MYO1D: variants seen among roughly 807,000 people sequenced by gnomAD.
MYO1D encodes the protein myosin ID, also known as unconventional myosin-Id.
In MYO1D, 83 loss-of-function variants were observed where a neutral mutation model predicts 122.0. That is an observed-to-expected ratio of 0.68 (90% CI 0.57 to 0.82). MYO1D has a LOEUF of 0.82. Among genes scored for constraint, MYO1D ranks in the 40% least tolerant of loss-of-function variants. The pLI is 0.00. For missense variants in MYO1D, 1,157 were observed against 1,269.5 expected (o/e 0.91, Z 1.35); for synonymous variants, 464 against 446.9 (o/e 1.04, Z -0.48).
At chr17:32,590,695 A>G (rs2087431503) in intron 21 of MYO1D, among the ~76,000 whole-genome samples, 1 of 152,246 alleles carries the variant, frequency 6.6e-6, no homozygotes, top group Non-Finnish European at 1.5e-5. Flanking sequence ...TATAGCTGCT[A>G]AGACCTGAAA....
chr17:32,621,690 T>C (rs575931245), intron 20 of MYO1D, among the ~76,000 whole-genome samples: 1 of 152,260 alleles, frequency 6.6e-6, no homozygotes, highest in South Asian at 2.1e-4. Context: ...TCCAAATCCA[T>C]GTCTCTGCTA....
Position 32,760,493 on chromosome 17 carries a change from A to G in MYO1D, c.1170T>C (p.Phe390=). 1 of 1,613,106 alleles carries G rather than the reference A, an allele frequency of 6.2e-7. No homozygotes were observed. The part of the protein sequence containing the change: ...GVLDIYGFEI[F]DNNSFEQFCI... ...CTTTTCCAGTTTACCTGTTGTTGTCAAAGATTTCAAAGCCATAGATATCCA... is the reference window on the plus strand; with the variant it reads ...CTTTTCCAGTTTACCTGTTGTTGTCGAAGATTTCAAAGCCATAGATATCCA... The change falls in exon 9 of 22, where the codon TTT becomes TTC. Residue 390 remains phenylalanine, a synonymous_variant. Transcript: ENST00000318217.
rs191936571 is a variant in MYO1D at position 32,803,646 on chromosome 17, T to C, written c.96-22862A>G. On this transcript the variant is annotated intron_variant, in intron 1 of 21. Transcript: ENST00000318217. ...TTCTGGTCATGACTAATCTGAAAGT[T>C]CTAACAACATAAATAGGCAATACAC... Among the ~76,000 whole-genome samples the C allele has an allele frequency of 4.7e-3, 710 of 152,222 alleles. 6 individuals carry two copies. Among genetic ancestry groups the C allele is most frequent in the African/African-American group, 0.016 (678 of 41,530 alleles).
chr17:32,761,683 ACTCAGAGAACAGT>A (rs1210656289), intron 8 of MYO1D, among the ~76,000 whole-genome samples: 1 of 152,066 alleles, frequency 6.6e-6, no homozygotes, highest in Non-Finnish European at 1.5e-5. Flanking sequence ...CCAAATCCAG[ACTCAGAGAACAGT>A]CTCTGAGCTC....
At chr17:32,639,266 G>A (rs1325306540) in intron 19 of MYO1D, among the ~76,000 whole-genome samples, 2 of 151,646 alleles carry the variant, frequency 1.3e-5, no homozygotes, top group Non-Finnish European at 2.9e-5. Context: ...TCTGAGACTG[G>A]TATATAGGGA....
Position 32,755,496 on chromosome 17 carries a change from C to A in MYO1D, c.1463G>T (p.Arg488Leu). 6.2e-7 allele frequency: 1 copy of A among 1,613,360 alleles called. No homozygotes were observed. ...KLGKHAHFSS[R>L]KLCASDKILE... ...AGGTGTCATTAAACACATTACCTTT[C>A]GGCTGGAAAAATGGGCGTGTTTGCC... The change falls in exon 11 of 22, where the codon CGA (arginine) becomes CTA (leucine). Residue 488 changes from arginine to leucine, a missense_variant. Coordinates refer to ENST00000318217, the MANE Select transcript of MYO1D (RefSeq NM_015194.3).
chr17:32,867,923 CA>C (rs35826402), intron 1 of MYO1D, among the ~76,000 whole-genome samples: 88 of 110,824 alleles, frequency 7.9e-4, no homozygotes, highest in South Asian at 1.2e-3. Context: ...AAAAAAAAAA[CA>C]AAAAAAAAAC....
chr17:32,840,093 C>T (rs150170107), intron 1 of MYO1D, among the ~76,000 whole-genome samples: 11 of 152,302 alleles, frequency 7.2e-5, no homozygotes, highest in African/African-American at 2.4e-4. Context: ...ACTGGAGGCA[C>T]TAGGGCTATA....
At position 32,516,369 on chromosome 17, in the gene MYO1D, T is replaced by TG. The variant is rs547629628; in HGVS notation, c.2865-21455dup. On this transcript the variant is annotated intron_variant, in intron 21 of 21. Coordinates refer to ENST00000318217, the MANE Select transcript of MYO1D (RefSeq NM_015194.3). Reference sequence around the variant, plus strand: ...GCTGGTAGACACATGAAAGGCCCTGTGGGGGTCTCAAGTTCATTTGACTGC... The same window carrying TG: ...GCTGGTAGACACATGAAAGGCCCTGTGGGGGGTCTCAAGTTCATTTGACTGC... Among the ~76,000 whole-genome samples the TG allele has an allele frequency of 6.5e-3, 987 of 152,314 alleles. 9 individuals carry two copies. Among genetic ancestry groups the TG allele is most frequent in the Non-Finnish European group, 7.2e-3 (491 of 68,022 alleles).
chr17:32,793,365 ATCTC>A (rs1226288169), intron 1 of MYO1D, among the ~76,000 whole-genome samples: 2 of 150,714 alleles, frequency 1.3e-5, no homozygotes, highest in Non-Finnish European at 2.9e-5. Flanking sequence ...CTGTCTCTCA[ATCTC>A]TCTCTCTGTT....
chr17:32,781,946 C>T (rs1051557473), intron 1 of MYO1D, among the ~76,000 whole-genome samples: 1 of 152,208 alleles, frequency 6.6e-6, no homozygotes, highest in Non-Finnish European at 1.5e-5. Flanking sequence ...ACATGCTCTA[C>T]CAGCTGAGAG....
intron 1 of MYO1D, among the ~76,000 whole-genome samples, chr17:32,873,388 C>G (rs1420349864): frequency 6.6e-6 from 1 of 152,142 alleles, no homozygotes; most frequent in African/African-American, 2.4e-5. Flanking sequence ...AGAGCAGGAA[C>G]TACAGCTTGG....
chr17:32,697,187 T>C (rs2089183995), intron 16 of MYO1D, among the ~76,000 whole-genome samples: 1 of 152,250 alleles, frequency 6.6e-6, no homozygotes, highest in Non-Finnish European at 1.5e-5. Flanking sequence ...AGCTTCTGGA[T>C]GGAGCTTTGT....
intron 20 of MYO1D, among the ~76,000 whole-genome samples, chr17:32,609,118 A>G (rs1318972748): frequency 1.3e-5 from 2 of 152,210 alleles, no homozygotes; most frequent in Non-Finnish European, 2.9e-5. Flanking sequence ...CCTGTACACC[A>G]CCACCCATGC....
At chr17:32,607,569 T>C (rs1211519981) in intron 20 of MYO1D, among the ~76,000 whole-genome samples, 2 of 152,100 alleles carry the variant, frequency 1.3e-5, no homozygotes, top group East Asian at 3.8e-4. Flanking sequence ...ACCCAAATTC[T>C]TAAGATACCA....
chr17:32,803,157 T>G (rs2090474933), intron 1 of MYO1D, among the ~76,000 whole-genome samples: 1 of 151,904 alleles, frequency 6.6e-6, no homozygotes, highest in Non-Finnish European at 1.5e-5. Context: ...TTTTCTTTCT[T>G]TTTTTTTGAG....
chr17:32,723,078 C>T (rs1415761066), intron 14 of MYO1D, among the ~76,000 whole-genome samples: 3 of 152,152 alleles, frequency 2.0e-5, no homozygotes, highest in African/African-American at 7.2e-5. Context: ...CTCACAACGG[C>T]GTCTTGGTTG....
At chr17:32,722,132 G>A (rs1244217788) in intron 14 of MYO1D, among the ~76,000 whole-genome samples, 1 of 152,104 alleles carries the variant, frequency 6.6e-6, no homozygotes, top group African/African-American at 2.4e-5. Flanking sequence ...CTTGCATTTT[G>A]AACAGAATAA....
At chr17:32,540,979 A>T (rs1173071016) in intron 21 of MYO1D, among the ~76,000 whole-genome samples, 1 of 151,922 alleles carries the variant, frequency 6.6e-6, no homozygotes, top group Non-Finnish European at 1.5e-5. Flanking sequence ...GAGAAATTAG[A>T]AGCTTCATAC....
Sources: gnomAD v4.1 joint callset for allele counts (sites outside exome capture counted in the v4.1 genomes callset) on GRCh38, gnomAD v4.1.1 for gene constraint, MANE v1.5 for transcripts, NCBI Gene and HGNC (gene_info 2026-07-23, HGNC 2026-07-21) for gene names.